PCDHGA8: variants seen among roughly 807,000 people sequenced by gnomAD.
PCDHGA8 encodes the protein protocadherin gamma-A8.
A neutral mutation model predicts 59.2 loss-of-function variants in PCDHGA8; 45 were observed. The ratio of observed to expected loss-of-function variants is 0.76; its 90% CI spans 0.60 to 0.98. The LOEUF (loss-of-function observed/expected upper bound fraction) is 0.98, where lower values mean the gene tolerates loss of function less well. Ranked by LOEUF, PCDHGA8 falls within the 50% of genes least tolerant of loss-of-function variation. The pLI is 0.00. For missense variants in PCDHGA8, 1,257 were observed against 1,196.2 expected, an observed-to-expected ratio of 1.05 and a Z score of -0.75; for synonymous variants, 531 against 519.0, an observed-to-expected ratio of 1.02 and a Z score of -0.32.
At position 141,395,076 on chromosome 5, in the gene PCDHGA8, C is replaced by A. The variant is rs1384743817; in HGVS notation, c.2263C>A (p.Gln755Lys). 1 of 1,614,142 alleles carries A rather than the reference C, an allele frequency of 6.2e-7. No individual in the cohort carries two copies. Among genetic ancestry groups the A allele is most frequent in the Admixed American group, 1.7e-5 (1 of 60,016 alleles). Reference sequence around the variant, plus strand: ...ACAGGCTTTCCTGCAGACCTATTCCCAGGAAGTCTCCCTCACCGCCGACTC... The same window carrying A: ...ACAGGCTTTCCTGCAGACCTATTCCAAGGAAGTCTCCCTCACCGCCGACTC... ...EVQAFLQTYS[Q>K]EVSLTADSRK... Residue 755 changes from glutamine (Q) to lysine (K), a missense_variant, in exon 1 of 4, where the codon CAG becomes AAG. Physicochemically the swap from Gln to Lys is moderately conservative, Grantham distance 53 (BLOSUM62 1). Transcript: ENST00000398604.
intron 1 of PCDHGA8, chr5:141,415,733 T>C: frequency 7.1e-7 from 1 of 1,407,484 alleles, no homozygotes; most frequent in Non-Finnish European, 9.3e-7. Context: ...ATTTGATGTT[T>C]ATTAAGGTTT....
intron 2 of PCDHGA8, 166 bp from the exon 3 acceptor site, chr5:141,505,227 T>C: frequency 1.2e-6 from 1 of 840,112 alleles, no homozygotes; most frequent in Non-Finnish European, 1.4e-6. Context: ...TGTGGGATTC[T>C]GGCTTCTGAA....
chr5:141,420,042 A>T, intron 1 of PCDHGA8: 2 of 1,614,048 alleles, frequency 1.2e-6, no homozygotes, highest in Non-Finnish European at 8.5e-7. Context: ...GACTGCTTTG[A>T]GTCAGTTCTC....
intron 3 of PCDHGA8, among the ~76,000 whole-genome samples, chr5:141,505,868 G>T (rs2099848820): frequency 6.6e-6 from 1 of 152,170 alleles, no homozygotes; most frequent in Admixed American, 6.5e-5. Context: ...GGACCCCAAA[G>T]GGTTGTTGTA....
intron 1 of PCDHGA8, among the ~76,000 whole-genome samples, chr5:141,462,839 T>C (rs1020663897): frequency 8.5e-5 from 13 of 152,228 alleles, no homozygotes; most frequent in Non-Finnish European, 1.5e-4. Context: ...GTAAATGTTA[T>C]ATTTTTGAGT....
At chr5:141,450,292 C>T (rs1310226132) in intron 1 of PCDHGA8, among the ~76,000 whole-genome samples, 2 of 152,066 alleles carry the variant, frequency 1.3e-5, no homozygotes, top group African/African-American at 2.4e-5. Context: ...GGATTACAGG[C>T]GTGAGCCACC....
In PCDHGA8 at chr5:141,395,163, G is replaced by T; in HGVS notation, c.2350G>T (p.Gly784Cys). ...CGCAGACATGCTCATCAGTCAGGAG[G>T]GCTGTGAGAAAAATGATTCTTTGTT... ...NYADMLISQEGCEKNDSLLTS... is the reference protein window; with the variant it reads ...NYADMLISQECCEKNDSLLTS... The change falls in exon 1 of 4, where the codon GGC becomes TGC. Residue 784 changes from glycine to cysteine, a missense_variant. Physicochemically the swap from Gly to Cys is radical, Grantham distance 159. Transcript: ENST00000398604. 1 of 1,614,160 alleles carries T rather than the reference G, an allele frequency of 6.2e-7. No individual in the cohort carries two copies. Among genetic ancestry groups the T allele is most frequent in the Non-Finnish European group, 8.5e-7 (1 of 1,180,034 alleles).
At chr5:141,464,223 CCACTGCA>C (rs916210777) in intron 1 of PCDHGA8, among the ~76,000 whole-genome samples, 4 of 150,824 alleles carry the variant, frequency 2.7e-5, no homozygotes, top group Non-Finnish European at 4.4e-5. Flanking sequence ...TGAGATTGCG[CCACTGCA>C]CTCCAGCCTG....
intron 1 of PCDHGA8, chr5:141,433,078 C>A (rs947684072): frequency 2.5e-5 from 40 of 1,614,144 alleles, no homozygotes; most frequent in Non-Finnish European, 3.3e-5. Context: ...TCCCCCAGCC[C>A]AACTATGCAG....
chr5:141,426,394 A>G (rs1353766048), intron 1 of PCDHGA8: 1 of 258,122 alleles, frequency 3.9e-6, no homozygotes, highest in African/African-American at 2.2e-5. Flanking sequence ...CCGCTACTCT[A>G]TTCCAGAAGA....
chr5:141,409,567 G>A (rs974585499), intron 1 of PCDHGA8: 1 of 1,613,896 alleles, frequency 6.2e-7, no homozygotes, highest in African/African-American at 1.3e-5. Flanking sequence ...TCGACCAGAC[G>A]TCCTACGTGG....
At position 141,432,778 on chromosome 5, in the gene PCDHGA8, G is replaced by T; in HGVS notation, c.2424+37541G>T. The T allele has an allele frequency of 3.7e-6, 6 of 1,614,166 alleles. No individual in the cohort carries two copies. Among genetic ancestry groups the T allele is most frequent in the Non-Finnish European group, 5.1e-6 (6 of 1,180,002 alleles). ...CCGACAGCATCCCCCAAGTCCTGGCGGACCTCGGCAGCCTCGAGTCTCCAG... is the reference window on the plus strand; with the variant it reads ...CCGACAGCATCCCCCAAGTCCTGGCTGACCTCGGCAGCCTCGAGTCTCCAG... On this transcript the variant is annotated intron_variant, in intron 1 of 3. Transcript: ENST00000398604. The surrounding 1 kb of genome is among the most constrained non-coding windows in gnomAD (Gnocchi z 6.0).
rs2096315825 is a variant in PCDHGA8 at position 141,419,028 on chromosome 5, T to C, written c.2424+23791T>C. On this transcript the variant is annotated intron_variant, in intron 1 of 3. Coordinates refer to ENST00000398604, the MANE Select transcript of PCDHGA8 (RefSeq NM_032088.2). ...GTCAGGTGTAGCTTAAGTAGAGGTG[T>C]TCCATTTAAGATTCATTCTTCTTCT... 5.0e-6 allele frequency: 8 copies of C among 1,613,638 alleles called. No individual in the cohort carries two copies. The South Asian group carries it at 8.8e-5, about 18-fold the overall frequency.
intron 1 of PCDHGA8, chr5:141,420,396 A>C: frequency 8.0e-7 from 1 of 1,250,930 alleles, no homozygotes; most frequent in Non-Finnish European, 1.1e-6. Context: ...ATATAGGTCA[A>C]ATTTATGGTT....
chr5:141,414,868 G>A (rs1346192710), intron 1 of PCDHGA8: 1 of 1,614,098 alleles, frequency 6.2e-7, no homozygotes, highest in African/African-American at 1.3e-5. Flanking sequence ...CAATGCGCCC[G>A]AGATCCTGTA....
intron 1 of PCDHGA8, among the ~76,000 whole-genome samples, chr5:141,464,077 C>T (rs891173261): frequency 1.3e-5 from 2 of 151,950 alleles, no homozygotes; most frequent in African/African-American, 4.8e-5. Context: ...CCAGCCTGGC[C>T]AACATGGTGA....
At chr5:141,463,526 A>G (rs989086820) in intron 1 of PCDHGA8, among the ~76,000 whole-genome samples, 1 of 131,914 alleles carries the variant, frequency 7.6e-6, no homozygotes, top group Non-Finnish European at 1.5e-5. Flanking sequence ...TCGGCTTACT[A>G]GAAACTCCGG....
intron 2 of PCDHGA8, among the ~76,000 whole-genome samples, chr5:141,502,428 A>C (rs2099814217): frequency 6.6e-6 from 1 of 151,978 alleles, no homozygotes; most frequent in South Asian, 2.1e-4. Flanking sequence ...CTATTCTCTG[A>C]TGGTTAGATT....
intron 1 of PCDHGA8, chr5:141,410,459 A>C (rs2095396770): frequency 6.2e-7 from 1 of 1,613,864 alleles, no homozygotes; most frequent in Admixed American, 1.7e-5. Context: ...TTATTCTTAT[A>C]ATCTGTGCAT....
Sources: gnomAD v4.1 joint callset for allele counts (sites outside exome capture counted in the v4.1 genomes callset) on GRCh38, gnomAD v4.1.1 for gene constraint, Gnocchi (gnomAD v3.1) non-coding constraint, MANE v1.5 for transcripts, NCBI Gene and HGNC (gene_info 2026-07-23, HGNC 2026-07-21) for gene names.